Variants in GSN observed in about 807,000 individuals in gnomAD.
The protein encoded by GSN is actin-depolymerizing factor.
GSN carries 56 observed loss-of-function variants against 85.7 expected under a neutral mutation model. That is an observed-to-expected ratio of 0.65 (90% CI 0.53 to 0.82). The LOEUF (loss-of-function observed/expected upper bound fraction) is 0.82, where lower values mean the gene tolerates loss of function less well. Among genes scored for constraint, GSN ranks in the 40% least tolerant of loss-of-function variants. The pLI is 0.00. For synonymous variants in GSN, 373 were observed against 399.1 expected, an observed-to-expected ratio of 0.93 and a Z score of 0.78; for missense variants, 857 against 979.8, an observed-to-expected ratio of 0.87 and a Z score of 1.67.
chr9:121,267,729 G>T (rs2055286011), upstream of GSN, among the ~76,000 whole-genome samples: 1 of 152,192 alleles, frequency 6.6e-6, no homozygotes, highest in South Asian at 2.1e-4. Context: ...TGCTTTGCAT[G>T]CAGCCTATGT....
At chr9:121,211,901 T>G (rs770848198) in intron 4 of GSN, among the ~76,000 whole-genome samples, 1 of 152,170 alleles carries the variant, frequency 6.6e-6, no homozygotes, top group Non-Finnish European at 1.5e-5. Context: ...TAAAAACAGC[T>G]GGATAAGGGA....
Position 121,318,256 on chromosome 9 carries a change from C to T in GSN, c.887-150C>T, listed in dbSNP as rs945491776. The T allele has an allele frequency of 1.7e-5, 12 of 719,734 alleles. No homozygotes were observed. The highest frequency in any genetic ancestry group is 3.9e-5 in the Admixed American group (2 of 50,640). 44.6% of individuals were successfully genotyped at this position (719,734 alleles called of 1,614,324 possible). On this transcript the variant is annotated intron_variant, in intron 8 of 17. Transcript: ENST00000432226. The surrounding 1 kb of genome is among the most constrained non-coding windows in gnomAD (Gnocchi z 4.3). ...GACACCAGGAGCTCTAGTGAGTGGTCGGCTCTGGGGGTCTCTGGCCTTGGC... is the reference window on the plus strand; with the variant it reads ...GACACCAGGAGCTCTAGTGAGTGGTTGGCTCTGGGGGTCTCTGGCCTTGGC...
intron 4 of GSN, among the ~76,000 whole-genome samples, chr9:121,229,333 G>T (rs2054341015): frequency 6.6e-6 from 1 of 152,178 alleles, no homozygotes; most frequent in African/African-American, 2.4e-5. Flanking sequence ...TGATTCTCCT[G>T]CCTCAGCCTC....
At chr9:121,206,649 A>T (rs184831843), upstream of GSN, among the ~76,000 whole-genome samples, 1 of 151,408 alleles carries the variant, frequency 6.6e-6, no homozygotes, top group Non-Finnish European at 1.5e-5. Context: ...AGACTCATTT[A>T]TTGTCATTGA....
intron 4 of GSN, among the ~76,000 whole-genome samples, chr9:121,214,207 TTCCTTCC>T (rs2054016991): frequency 6.6e-6 from 1 of 151,898 alleles, no homozygotes; most frequent in African/African-American, 2.4e-5. Context: ...CCTTCCTTCC[TTCCTTCC>T]TCTTCTTCTT....
At chr9:121,306,413 G>A (rs1377293394) in intron 4 of GSN, among the ~76,000 whole-genome samples, 1 of 152,148 alleles carries the variant, frequency 6.6e-6, no homozygotes, top group Non-Finnish European at 1.5e-5. Context: ...CTGACTACAA[G>A]AGCAATATAA....
chr9:121,301,893 C>A, intron 2 of GSN, 70 bp from the exon 3 acceptor site: 11 of 1,610,310 alleles, frequency 6.8e-6, no homozygotes, highest in Non-Finnish European at 9.3e-6. Context: ...AGAAACCGCC[C>A]TCCCTCATGC....
At chr9:121,229,662 T>C (rs1309215732) in intron 4 of GSN, among the ~76,000 whole-genome samples, 1 of 152,260 alleles carries the variant, frequency 6.6e-6, no homozygotes, top group Admixed American at 6.5e-5. Context: ...GTCACACATG[T>C]TGTCAGCTTG....
Position 121,318,591 on chromosome 9 carries a change from G to A in GSN, c.976-74G>A. Reference sequence around the variant, plus strand: ...GGTGTCCCACCCTCAGTGTGGATGGGGTATCTGAGGCTCCCCTGGGGACCC... The same window carrying A: ...GGTGTCCCACCCTCAGTGTGGATGGAGTATCTGAGGCTCCCCTGGGGACCC... On this transcript the variant is annotated intron_variant, in intron 9 of 17. Coordinates refer to ENST00000432226, the MANE Select transcript of GSN (RefSeq NM_198252.3). The surrounding 1 kb of genome is among the most constrained non-coding windows in gnomAD (Gnocchi z 4.3). 6.9e-7 allele frequency: 1 copy of A among 1,453,412 alleles called. No homozygotes were observed. Among genetic ancestry groups the A allele is most frequent in the East Asian group, 2.3e-5 (1 of 44,060 alleles). 90.0% of individuals were successfully genotyped at this position (1,453,412 alleles called of 1,614,324 possible). A position where few individuals can be genotyped will look rare whatever the true frequency, so the allele number is the denominator to read the frequency against.
At chr9:121,227,371 G>A (rs1339142527) in intron 4 of GSN, among the ~76,000 whole-genome samples, 1 of 151,860 alleles carries the variant, frequency 6.6e-6, no homozygotes, top group Non-Finnish European at 1.5e-5. Flanking sequence ...TCCAGCCTAG[G>A]CAACAGAGCG....
intron 1 of GSN, among the ~76,000 whole-genome samples, chr9:121,271,009 ATCTC>A (rs1250040780): frequency 2.6e-5 from 4 of 152,158 alleles, no homozygotes; most frequent in African/African-American, 9.7e-5. Flanking sequence ...GGCAAATCCT[ATCTC>A]TCTGAGCCTC....
intron 2 of GSN, chr9:121,209,509 C>G (rs1201014886): frequency 6.6e-6 from 1 of 152,182 alleles, no homozygotes; most frequent in Non-Finnish European, 1.5e-5. Flanking sequence ...CCCAAACTGA[C>G]AAGTCAGAAA....
At position 121,312,357 on chromosome 9, in the gene GSN, G is replaced by A; in HGVS notation, c.532G>A (p.Gly178Ser). ...DLGNNIHQWCGSNSNRYERLK... is the reference protein window; with the variant it reads ...DLGNNIHQWCSSNSNRYERLK... Reference sequence around the variant, plus strand: ...CTTCCAGAACATCCACCAGTGGTGTGGTTCCAACAGCAATCGGTATGAAAG... The same window carrying A: ...CTTCCAGAACATCCACCAGTGGTGTAGTTCCAACAGCAATCGGTATGAAAG... Residue 178 changes from glycine (G) to serine (S), a missense_variant, in exon 6 of 18, where the codon GGT becomes AGT. Physicochemically the swap from Gly to Ser is moderately conservative, Grantham distance 56. Coordinates refer to ENST00000432226, the MANE Select transcript of GSN (RefSeq NM_198252.3). 7 of 1,614,150 alleles carry A rather than the reference G, an allele frequency of 4.3e-6. No individual in the cohort carries two copies. The highest frequency in any genetic ancestry group is 5.9e-6 in the Non-Finnish European group (7 of 1,180,008).
Position 121,228,436 on chromosome 9 carries a change from T to A in GSN, c.-527-2729T>A, listed in dbSNP as rs567342284. 6.3e-3 allele frequency among the ~76,000 whole-genome samples: 591 copies of A among 93,774 alleles called. 14 individuals are homozygous for A. Among genetic ancestry groups the A allele is most frequent in the African/African-American group, 0.029 (441 of 15,448 alleles). The allele number at this position is 93,774 out of a possible 152,430, so 61.5% of individuals were successfully genotyped here. ...TATATATATATATATTTTTTTTTTT[T>A]TTTTTTTTTTTTTTTGAGATAGGGT... On this transcript the variant is annotated intron_variant, in intron 4 of 24. Transcript: ENST00000373823.
At chr9:121,303,967 G>A (rs866389331) in intron 4 of GSN, among the ~76,000 whole-genome samples, 3 of 152,196 alleles carry the variant, frequency 2.0e-5, no homozygotes, top group African/African-American at 7.2e-5. Context: ...GTCACACAGC[G>A]AATTGGTGCC....
intron 6 of GSN, among the ~76,000 whole-genome samples, chr9:121,251,679 C>G (rs182671987): frequency 1.0e-3 from 157 of 152,090 alleles, no homozygotes; most frequent in African/African-American, 3.7e-3. Flanking sequence ...ATACAAATGG[C>G]CAGGCGCGAT....
rs539379609 is a variant in GSN at position 121,251,994 on chromosome 9, C to T, written c.-341+3671C>T. 2.0e-5 allele frequency among the ~76,000 whole-genome samples: 3 copies of T among 152,134 alleles called. No individual in the cohort carries two copies. In the East Asian group the frequency reaches 5.8e-4, roughly 29 times the overall value. On this transcript the variant is annotated intron_variant, in intron 6 of 24. Coordinates refer to the GSN transcript ENST00000373823. ...AACAAACAAACAAAAGACATACAAACAATTCAAGTATAATTTGAAAAATTA... is the reference window on the plus strand; with the variant it reads ...AACAAACAAACAAAAGACATACAAATAATTCAAGTATAATTTGAAAAATTA...
chr9:121,296,010 C>T (rs1022684955), intron 2 of GSN, among the ~76,000 whole-genome samples: 1 of 152,236 alleles, frequency 6.6e-6, no homozygotes, highest in African/African-American at 2.4e-5. Context: ...TTGGCCTGGG[C>T]AGTCACATCA....
intron 7 of GSN, 58 bp downstream of exon 7, chr9:121,314,081 C>T (rs756596317): frequency 1.3e-5 from 17 of 1,343,524 alleles, no homozygotes; most frequent in Non-Finnish European, 1.5e-5. Flanking sequence ...AGGTGGAAGA[C>T]TTGGTCTTCC....
Sources: gnomAD v4.1 joint callset for allele counts (sites outside exome capture counted in the v4.1 genomes callset) on GRCh38, gnomAD v4.1.1 for gene constraint, Gnocchi (gnomAD v3.1) non-coding constraint, MANE v1.5 for transcripts, NCBI Gene and HGNC (gene_info 2026-07-23, HGNC 2026-07-21) for gene names.